The following EFR3B variants were observed in gnomAD, a reference collection of about 807,000 sequenced individuals.
The protein encoded by EFR3B is protein EFR3 homolog B.
In EFR3B, 64 loss-of-function variants were observed where a neutral mutation model predicts 104.7. The ratio of observed to expected loss-of-function variants is 0.61; its 90% confidence interval spans 0.50 to 0.75. The LOEUF is 0.75. Ranked by LOEUF, EFR3B falls within the 30% of genes least tolerant of loss-of-function variation. The pLI, the probability that EFR3B is intolerant of heterozygous loss-of-function variation, is 0.00. For missense variants in EFR3B, 750 were observed against 1,078.5 expected (o/e 0.70, Z 4.27); for synonymous variants, 385 against 417.9 (o/e 0.92, Z 0.96).
Position 25,126,374 on chromosome 2 carries a change from T to C in EFR3B, c.486-1809T>C, listed in dbSNP as rs185797657. On this transcript the variant is annotated intron_variant, in intron 5 of 22. Coordinates refer to ENST00000403714, the MANE Select transcript of EFR3B (RefSeq NM_014971.2). Reference sequence around the variant, plus strand: ...TGGCTAATTTCTTTCTTTTTTTTTTTTTTGAGACAGGGTCTTACTCTTTCG... The same window carrying C: ...TGGCTAATTTCTTTCTTTTTTTTTTCTTTGAGACAGGGTCTTACTCTTTCG... 5.7e-4 allele frequency among the ~76,000 whole-genome samples: 86 copies of C among 152,072 alleles called. 1 individual carries two copies. The East Asian group carries it at 0.011, about 20-fold the overall frequency.
intron 1 of EFR3B, among the ~76,000 whole-genome samples, chr2:25,086,465 G>A (rs763208173): frequency 3.9e-5 from 6 of 152,156 alleles, no homozygotes; most frequent in Non-Finnish European, 8.8e-5. Context: ...TAATAGGTGT[G>A]GAGTGGTATC....
intron 4 of EFR3B, among the ~76,000 whole-genome samples, chr2:25,115,740 A>G (rs905975389): frequency 6.6e-6 from 1 of 152,216 alleles, no homozygotes; most frequent in African/African-American, 2.4e-5. Flanking sequence ...CACACAGAGG[A>G]GAAGATGATG....
rs1200256844 is a variant in EFR3B, at chr2:25,130,086, A to G, written c.747A>G (p.Lys249=). 2 of 1,551,636 alleles carry G rather than the reference A, an allele frequency of 1.3e-6. No homozygotes were observed. The highest frequency in any genetic ancestry group is 1.7e-6 in the Non-Finnish European group (2 of 1,147,014). Residue 249 remains lysine (K), a synonymous_variant, in exon 7 of 23, where the codon AAA becomes AAG. Transcript: ENST00000403714. This position sits in a 1 kb window ranked among gnomAD's most constrained non-coding sequence, Gnocchi z 4.6. The part of the protein sequence containing the change: ...LLGRAAFGNI[K]NAIKPVLIHL... ...GCCGGGCTGCCTTTGGCAACATCAA[A>G]AACGCCATCAAGCCTGTTCTCATGT... is the stretch of plus-strand genomic sequence containing the variant.
chr2:25,080,282 G>GTTTTTTTT (rs1668756429), intron 1 of EFR3B: 2 of 176,116 alleles, frequency 1.1e-5, no homozygotes, highest in Admixed American at 8.2e-5. Context: ...CCTCCCCAAA[G>GTTTTTTTT]CTTTTTTTTT....
intron 1 of EFR3B, chr2:25,080,842 T>A (rs1308413179): frequency 2.3e-6 from 2 of 867,766 alleles, no homozygotes; most frequent in African/African-American, 3.3e-5. Context: ...GATTTATTTC[T>A]TATCATGGTT....
chr2:25,093,344 A>G (rs949930919), intron 3 of EFR3B, among the ~76,000 whole-genome samples: 6 of 152,104 alleles, frequency 3.9e-5, no homozygotes, highest in Admixed American at 6.6e-5. Flanking sequence ...AAATTTAAAA[A>G]TTAGCCAGGT....
In EFR3B at chr2:25,147,124, G is replaced by C. The variant is rs951353932; in HGVS notation, c.2142+2073G>C. 2.0e-5 allele frequency: 3 copies of C among 152,236 alleles called. No individual in the cohort carries two copies. In the East Asian group the frequency reaches 5.8e-4, roughly 29 times the overall value. The allele number at this position is 152,236 out of a possible 1,614,324, so 9.4% of individuals were successfully genotyped here. A position where few individuals can be genotyped will look rare whatever the true frequency, so the allele number is the denominator to read the frequency against. On this transcript the variant is annotated intron_variant, in intron 19 of 22. Coordinates refer to ENST00000403714, the MANE Select transcript of EFR3B (RefSeq NM_014971.2). The stretch of plus-strand genomic sequence containing the variant: ...GCCTGTGAACTGTCTGTTCTCCAGC[G>C]CCCGGCCCCTGTTCAGTTTCCTCAT...
At position 25,042,728 on chromosome 2, in the gene EFR3B, G is replaced by T; in HGVS notation, c.7+409G>T. ...AGGGCTGAGGGAGACGCCCGCGGCC[G>T]GTCGTCTGCGCGGCTCGGAGAAGGC... On this transcript the variant is annotated intron_variant, in intron 1 of 22. Transcript: ENST00000403714. The surrounding 1 kb of genome is among the most constrained non-coding windows in gnomAD (Gnocchi z 5.4). The T allele has an allele frequency of 1.0e-5, 10 of 989,418 alleles. No homozygotes were observed. Among genetic ancestry groups the T allele is most frequent in the Non-Finnish European group, 1.2e-5 (10 of 831,440 alleles). 61.3% of individuals were successfully genotyped at this position (989,418 alleles called of 1,614,324 possible).
intron 19 of EFR3B, chr2:25,145,259 G>A (rs1670784111): frequency 5.1e-6 from 3 of 587,490 alleles, no homozygotes; most frequent in Admixed American, 5.8e-5. Flanking sequence ...GCTCCCATGA[G>A]GATATCATAA....
At chr2:25,122,836 G>A (rs1210978627) in intron 5 of EFR3B, among the ~76,000 whole-genome samples, 1 of 152,066 alleles carries the variant, frequency 6.6e-6, no homozygotes, top group African/African-American at 2.4e-5. Context: ...TGTAAGCTCT[G>A]TGAGGGCAGG....
rs1346181936 is a variant in EFR3B at position 25,139,207 on chromosome 2, C to T, written c.1854+17C>T. 2 of 1,548,502 alleles carry T rather than the reference C, an allele frequency of 1.3e-6. No individual in the cohort carries two copies. Among genetic ancestry groups the T allele is most frequent in the Admixed American group, 4.0e-5 (2 of 50,090 alleles). ...ATCCATGAGGTTGGTGTTCTCACGA[C>T]CAAGAGCTCAGGGGGCCCTCAACTT... On this transcript the variant is annotated intron_variant, in intron 16 of 22. Coordinates refer to ENST00000403714, the MANE Select transcript of EFR3B (RefSeq NM_014971.2).
intron 17 of EFR3B, among the ~76,000 whole-genome samples, chr2:25,142,496 T>C (rs1447716650): frequency 6.7e-6 from 1 of 148,536 alleles, no homozygotes; most frequent in East Asian, 2.0e-4. Context: ...TATGCCTATG[T>C]AATCCCAGCA....
intron 3 of EFR3B, among the ~76,000 whole-genome samples, chr2:25,093,610 G>A (rs1204393446): frequency 2.0e-5 from 3 of 152,150 alleles, no homozygotes; most frequent in Admixed American, 2.0e-4. Context: ...GTGTGATGCT[G>A]CTGCTGAGGT....
intron 17 of EFR3B, 135 bp from the exon 18 acceptor site, chr2:25,143,600 C>A: frequency 1.8e-6 from 2 of 1,106,980 alleles, no homozygotes; most frequent in East Asian, 5.7e-5. Flanking sequence ...GCGGAGGTTG[C>A]AATGAGCCGA....
intron 20 of EFR3B, among the ~76,000 whole-genome samples, chr2:25,150,315 A>G (rs1670966734): frequency 6.6e-6 from 1 of 151,862 alleles, no homozygotes; most frequent in African/African-American, 2.4e-5. Context: ...AAAAAAAAAA[A>G]AAAAGGCAAT....
Position 25,131,524 on chromosome 2 carries a change from C to T in EFR3B, c.985+21C>T, listed in dbSNP as rs1210642228. 1.3e-6 allele frequency: 2 copies of T among 1,547,386 alleles called. No individual in the cohort carries two copies. Among genetic ancestry groups the T allele is most frequent in the South Asian group, 2.4e-5 (2 of 83,964 alleles). On this transcript the variant is annotated intron_variant, in intron 9 of 22. Transcript: ENST00000403714. This position sits in a 1 kb window ranked among gnomAD's most constrained non-coding sequence, Gnocchi z 7.6. Reference sequence around the variant, plus strand: ...TGTGGGTAAGGGGCATGGCTAGGGCCTGAGGGCCGGGGACCCCGCGGAGGC... The same window carrying T: ...TGTGGGTAAGGGGCATGGCTAGGGCTTGAGGGCCGGGGACCCCGCGGAGGC...
rs892529462 is a variant in EFR3B, at chr2:25,103,630, T to C, written c.213-7T>C. On this transcript the variant is annotated splice_polypyrimidine_tract_variant and splice_region_variant and intron_variant, in intron 3 of 22. Transcript: ENST00000403714. ...CGGCCAGTGACGGCATGTGCTGCCCTCCCCAGGTACGTGTGCATTGCTATG... is the reference window on the plus strand; with the variant it reads ...CGGCCAGTGACGGCATGTGCTGCCCCCCCCAGGTACGTGTGCATTGCTATG... The C allele has an allele frequency of 2.6e-6, 4 of 1,546,494 alleles. No individual in the cohort carries two copies. The highest frequency in any genetic ancestry group is 2.6e-6 in the Non-Finnish European group (3 of 1,143,190).
At chr2:25,059,169 A>G (rs1452216643) in intron 1 of EFR3B, among the ~76,000 whole-genome samples, 2 of 150,614 alleles carry the variant, frequency 1.3e-5, no homozygotes, top group African/African-American at 2.4e-5. Context: ...CTGGAGTGCA[A>G]TGGCGCAATT....
Position 25,131,933 on chromosome 2 carries a change from G to T in EFR3B, c.1147+22G>T. The T allele has an allele frequency of 6.9e-7, 1 of 1,453,676 alleles. No homozygotes were observed. The allele number at this position is 1,453,676 out of a possible 1,614,324, so 90.0% of individuals were successfully genotyped here. On this transcript the variant is annotated intron_variant, in intron 10 of 22. Transcript: ENST00000403714. This position sits in a 1 kb window ranked among gnomAD's most constrained non-coding sequence, Gnocchi z 7.6. ...GTGGGTGCGGCGCGGGGCCGGGCCG[G>T]GGCGGGGCGGGGCCGAGGCGCGGAG...
Sources: allele counts gnomAD v4.1 joint callset (sites outside exome capture counted in the v4.1 genomes callset), GRCh38; gene constraint gnomAD v4.1.1; non-coding constraint Gnocchi (gnomAD v3.1); transcripts MANE v1.5; gene names NCBI Gene and HGNC (gene_info 2026-07-23, HGNC 2026-07-21).